Variants in RALGPS1 observed in about 807,000 individuals in gnomAD.
The protein encoded by RALGPS1 is ras-specific guanine nucleotide-releasing factor RalGPS1.
In RALGPS1, 19 loss-of-function variants were observed where a neutral mutation model predicts 78.8. That is an observed-to-expected ratio of 0.24 (90% CI 0.17 to 0.35). The LOEUF (loss-of-function observed/expected upper bound fraction) is 0.35. Ranked by LOEUF, RALGPS1 falls within the 10% of genes least tolerant of loss-of-function variation. The pLI is 1.00. For synonymous variants in RALGPS1, 228 were observed against 256.3 expected (o/e 0.89, Z 1.06); for missense variants, 454 against 688.3 (o/e 0.66, Z 3.81).
intron 8 of RALGPS1, among the ~76,000 whole-genome samples, chr9:127,162,876 GAAC>G (rs1336619114): frequency 1.1e-4 from 16 of 152,226 alleles, no homozygotes; most frequent in Non-Finnish European, 1.5e-5. Context: ...CAGTGGATGG[GAAC>G]ATGGGTGCAG....
At chr9:127,036,113 T>C (rs575185487) in intron 5 of RALGPS1, among the ~76,000 whole-genome samples, 1 of 152,340 alleles carries the variant, frequency 6.6e-6, no homozygotes, top group East Asian at 1.9e-4. Flanking sequence ...ACAATTGTGT[T>C]GTGTCCAGCT....
At chr9:126,992,704 G>A (rs1165189409) in intron 4 of RALGPS1, among the ~76,000 whole-genome samples, 1 of 152,204 alleles carries the variant, frequency 6.6e-6, no homozygotes, top group Admixed American at 6.5e-5. Context: ...CCTCATGTAT[G>A]TAGGTCTTCT....
chr9:127,216,391 A>C (rs2779709), intron 18 of RALGPS1, among the ~76,000 whole-genome samples: 118,834 of 152,112 alleles, frequency 0.78, 46,942 homozygotes, highest in African/African-American at 0.89. Context: ...GGAATTTGTC[A>C]TAGGGATGTG....
intron 5 of RALGPS1, 79 bp from the exon 6 acceptor site, chr9:127,049,964 C>A (rs921506644): frequency 1.1e-4 from 117 of 1,032,122 alleles, no homozygotes; most frequent in Non-Finnish European, 1.6e-4. Flanking sequence ...CAGCGGTGGG[C>A]AAGGGGGACA....
At chr9:126,917,870 A>G (rs2034335530) in intron 1 of RALGPS1, among the ~76,000 whole-genome samples, 1 of 152,186 alleles carries the variant, frequency 6.6e-6, no homozygotes, top group African/African-American at 2.4e-5. Flanking sequence ...GTGTTAGACT[A>G]TGTGATCACC....
intron 8 of RALGPS1, among the ~76,000 whole-genome samples, chr9:127,126,283 CTGGCTTCTTT>C (rs2056611922): frequency 6.6e-6 from 1 of 152,114 alleles, no homozygotes; most frequent in Non-Finnish European, 1.5e-5. Flanking sequence ...CTTCTGTTTT[CTGGCTTCTTT>C]TAAGATTTTC....
intron 11 of RALGPS1, among the ~76,000 whole-genome samples, chr9:127,187,079 G>C (rs73597289): frequency 0.017 from 2,564 of 152,304 alleles, 83 homozygotes; most frequent in African/African-American, 0.058. Context: ...CCCTCCAGCT[G>C]TGTGACTGCA....
chr9:127,115,883 G>T (rs981318335), intron 8 of RALGPS1, among the ~76,000 whole-genome samples: 11 of 152,208 alleles, frequency 7.2e-5, no homozygotes, highest in Admixed American at 2.0e-4. Context: ...GTTTGTCCTG[G>T]ATGATTCACC....
At chr9:126,984,115 C>G (rs908366160) in intron 4 of RALGPS1, among the ~76,000 whole-genome samples, 1 of 151,256 alleles carries the variant, frequency 6.6e-6, no homozygotes, top group Non-Finnish European at 1.5e-5. Context: ...TCTTTTTTTC[C>G]TTTTTCAGAG....
chr9:127,177,855 C>T, intron 11 of RALGPS1: 1 of 1,548,082 alleles, frequency 6.5e-7, no homozygotes, highest in Non-Finnish European at 8.7e-7. Context: ...CCTCCTTTCC[C>T]ACAATCCACC....
In RALGPS1 at chr9:126,976,313, T is replaced by TCTCACACA. The variant is rs112367251; in HGVS notation, c.166-1381_166-1380insTCACACAC. 5.9e-3 allele frequency among the ~76,000 whole-genome samples: 881 copies of TCTCACACA among 150,430 alleles called. 4 individuals carry two copies. Among genetic ancestry groups the TCTCACACA allele is most frequent in the Non-Finnish European group, 8.0e-3 (542 of 67,588 alleles). On this transcript the variant is annotated intron_variant, in intron 3 of 18. Transcript: ENST00000259351. ...ACCCCCTTACACTCAACACTCATTC[T>TCTCACACA]CACACACACACACACACACTTTCAT...
At chr9:127,079,471 A>G (rs1036625055) in intron 8 of RALGPS1, 1 of 152,216 alleles carries the variant, frequency 6.6e-6, no homozygotes, top group Non-Finnish European at 1.5e-5. Context: ...TAGGCAGAAC[A>G]TAGTGATTTG....
At chr9:127,109,259 T>C (rs939483532) in intron 8 of RALGPS1, among the ~76,000 whole-genome samples, 4 of 152,270 alleles carry the variant, frequency 2.6e-5, no homozygotes, top group Admixed American at 2.6e-4. Context: ...ACCGCTGTGC[T>C]GAATAGCAGT....
Position 127,216,846 on chromosome 9 carries a change from T to G in RALGPS1, c.1645-1894T>G, listed in dbSNP as rs1286042898. 6.4e-6 allele frequency: 9 copies of G among 1,406,074 alleles called. No homozygotes were observed. In the East Asian group the frequency reaches 2.4e-4, roughly 38 times the overall value. 87.1% of individuals were successfully genotyped at this position (1,406,074 alleles called of 1,614,324 possible). ...ACCATGTGTGTCTGGGGTCCCTCAG[T>G]AGCTCTGAGGGCCGCTCTCTTAAGA... On this transcript the variant is annotated intron_variant, in intron 18 of 18. Coordinates refer to ENST00000259351, the MANE Select transcript of RALGPS1 (RefSeq NM_014636.3).
At chr9:127,133,996 T>A (rs1288102602) in intron 8 of RALGPS1, among the ~76,000 whole-genome samples, 1 of 137,116 alleles carries the variant, frequency 7.3e-6, no homozygotes, top group African/African-American at 2.5e-5. Flanking sequence ...GTAAATGCTC[T>A]TGTCCTCGCT....
intron 8 of RALGPS1, among the ~76,000 whole-genome samples, chr9:127,145,638 C>T (rs569774157): frequency 6.6e-6 from 1 of 152,224 alleles, no homozygotes; most frequent in East Asian, 1.9e-4. Flanking sequence ...AAGCCTTTTG[C>T]TCCGACTCTG....
At chr9:126,986,442 G>T (rs1012141170) in intron 4 of RALGPS1, among the ~76,000 whole-genome samples, 1 of 152,122 alleles carries the variant, frequency 6.6e-6, no homozygotes, top group Non-Finnish European at 1.5e-5. Context: ...GCCAGGGCTT[G>T]GGGCAAGGGC....
intron 10 of RALGPS1, among the ~76,000 whole-genome samples, chr9:127,173,500 C>A (rs1025614744): frequency 1.3e-5 from 2 of 152,098 alleles, no homozygotes; most frequent in African/African-American, 4.8e-5. Flanking sequence ...TTAGTTGCAC[C>A]TGGTGAGTTC....
At chr9:127,026,393 A>G (rs2045961838) in intron 4 of RALGPS1, among the ~76,000 whole-genome samples, 1 of 152,208 alleles carries the variant, frequency 6.6e-6, no homozygotes, top group Non-Finnish European at 1.5e-5. Context: ...ACCCTCACAG[A>G]CACACGCAGG....
Sources: gnomAD v4.1 joint callset for allele counts (sites outside exome capture counted in the v4.1 genomes callset) on GRCh38, gnomAD v4.1.1 for gene constraint, MANE v1.5 for transcripts, NCBI Gene and HGNC (gene_info 2026-07-23, HGNC 2026-07-21) for gene names.